Variants in DENND1A observed in about 807,000 individuals in gnomAD.
The protein encoded by DENND1A is DENN domain containing 1A, also known as DENN domain-containing protein 1A.
DENND1A carries 51 observed loss-of-function variants against 113.7 expected under a neutral mutation model. The ratio of observed to expected loss-of-function variants is 0.45; its 90% CI spans 0.36 to 0.57. DENND1A has a LOEUF of 0.57. DENND1A is among the 20% of genes least tolerant of loss of function. DENND1A has a pLI of 0.00. For synonymous variants in DENND1A, 565 were observed against 570.8 expected, an observed-to-expected ratio of 0.99 and a Z score of 0.14; for missense variants, 1,258 against 1,395.9, an observed-to-expected ratio of 0.90 and a Z score of 1.57.
chr9:123,589,673 A>C (rs928746890), intron 11 of DENND1A, among the ~76,000 whole-genome samples: 1 of 148,176 alleles, frequency 6.7e-6, no homozygotes, highest in African/African-American at 2.5e-5. Flanking sequence ...AAAAAAAAAA[A>C]CTGACATGCA....
chr9:123,423,379 G>T (rs185841523), intron 19 of DENND1A, among the ~76,000 whole-genome samples: 8 of 152,262 alleles, frequency 5.3e-5, no homozygotes, highest in East Asian at 1.9e-4. Flanking sequence ...CCTGCAACTC[G>T]GCGCTCATCA....
At chr9:123,903,470 C>A (rs1302627628) in intron 1 of DENND1A, among the ~76,000 whole-genome samples, 2 of 151,684 alleles carry the variant, frequency 1.3e-5, no homozygotes, top group African/African-American at 2.4e-5. Context: ...CCGGGTTGAT[C>A]TCACTAGGGA....
intron 21 of DENND1A, among the ~76,000 whole-genome samples, chr9:123,391,864 G>C (rs1252822062): frequency 6.7e-6 from 1 of 150,360 alleles, no homozygotes; most frequent in Non-Finnish European, 1.5e-5. Context: ...TACACACAAA[G>C]AGCTGTCTGT....
intron 5 of DENND1A, among the ~76,000 whole-genome samples, chr9:123,695,916 T>C (rs1205415724): frequency 6.6e-6 from 1 of 150,988 alleles, no homozygotes; most frequent in East Asian, 1.9e-4. Context: ...CAGAATCCAA[T>C]AGTGATGCCC....
chr9:123,717,722 A>T (rs1218705994), intron 5 of DENND1A, among the ~76,000 whole-genome samples: 1 of 152,240 alleles, frequency 6.6e-6, no homozygotes, highest in Non-Finnish European at 1.5e-5. Context: ...AGAGCATCAT[A>T]GGAGCCCTTG....
chr9:123,891,376 G>T (rs1456149121), intron 1 of DENND1A, among the ~76,000 whole-genome samples: 1 of 152,214 alleles, frequency 6.6e-6, no homozygotes, highest in African/African-American at 2.4e-5. Context: ...AAATCACCTA[G>T]AAGTTTTTTA....
chr9:123,600,944 TCACTGCC>T (rs770941111), intron 11 of DENND1A, among the ~76,000 whole-genome samples: 2 of 152,198 alleles, frequency 1.3e-5, no homozygotes, highest in Non-Finnish European at 2.9e-5. Flanking sequence ...GTCCCCCTGC[TCACTGCC>T]CACTGCTCCT....
intron 19 of DENND1A, among the ~76,000 whole-genome samples, chr9:123,427,603 T>C (rs2045840452): frequency 6.6e-6 from 1 of 152,168 alleles, no homozygotes; most frequent in Non-Finnish European, 1.5e-5. Flanking sequence ...TCCCCACAGG[T>C]CTGGTATGAA....
rs547810099 is a variant in DENND1A, at chr9:123,414,581, C to T, written c.1489-2752G>A. On this transcript the variant is annotated intron_variant, in intron 19 of 23. Transcript: ENST00000394215. ...TTCTGTCTTGCTCCTTTTGGGGATTCACAACGCCTGTTAGCATAGCAAAGG... is the reference window on the plus strand; with the variant it reads ...TTCTGTCTTGCTCCTTTTGGGGATTTACAACGCCTGTTAGCATAGCAAAGG... 1.5e-5 allele frequency: 24 copies of T among 1,550,498 alleles called. No homozygotes were observed. In the Admixed American group the frequency reaches 1.6e-4, roughly 10 times the overall value.
At chr9:123,660,691 T>C (rs1162684590) in intron 8 of DENND1A, among the ~76,000 whole-genome samples, 1 of 152,238 alleles carries the variant, frequency 6.6e-6, no homozygotes, top group Non-Finnish European at 1.5e-5. Context: ...GAATTAAACA[T>C]ACATTTATCT....
intron 2 of DENND1A, among the ~76,000 whole-genome samples, chr9:123,850,150 C>T (rs1196285597): frequency 2.6e-5 from 4 of 152,174 alleles, no homozygotes; most frequent in Non-Finnish European, 5.9e-5. Context: ...AGGAGTTCGA[C>T]TGGGGGTAAA....
chr9:123,493,344 T>C (rs1008311288), intron 13 of DENND1A, among the ~76,000 whole-genome samples: 1 of 152,196 alleles, frequency 6.6e-6, no homozygotes, highest in African/African-American at 2.4e-5. Context: ...TGTGAATCGA[T>C]TCTTTGCTAC....
chr9:123,848,228 TAAAAAAAAAA>T (rs375535777), intron 2 of DENND1A, among the ~76,000 whole-genome samples: 6,698 of 60,586 alleles, frequency 0.11, 244 homozygotes, highest in Middle Eastern at 0.2. Flanking sequence ...GATACTGCTT[TAAAAAAAAAA>T]AAAAAAAAAA....
chr9:123,462,970 C>G (rs112176876), intron 13 of DENND1A, among the ~76,000 whole-genome samples: 4 of 152,180 alleles, frequency 2.6e-5, no homozygotes, highest in South Asian at 2.1e-4. Context: ...GCTCGTCCAC[C>G]TGCGTCCTGC....
intron 9 of DENND1A, among the ~76,000 whole-genome samples, chr9:123,642,975 A>G (rs1373544174): frequency 1.3e-5 from 2 of 152,188 alleles, no homozygotes; most frequent in Non-Finnish European, 2.9e-5. Context: ...CCAGTCCACA[A>G]ACTGGCCCTT....
intron 13 of DENND1A, among the ~76,000 whole-genome samples, chr9:123,489,613 C>A (rs2051194234): frequency 6.6e-6 from 1 of 152,224 alleles, no homozygotes; most frequent in Non-Finnish European, 1.5e-5. Context: ...TTATCAGTCA[C>A]TAACACTAGT....
At chr9:123,553,040 C>T (rs10986047) in intron 13 of DENND1A, among the ~76,000 whole-genome samples, 21,681 of 152,102 alleles carry the variant, frequency 0.14, 1,616 homozygotes, top group Admixed American at 0.19. Context: ...AAGGATCACT[C>T]GAGCCCAGGA....
chr9:123,685,722 A>G (rs371858422), intron 5 of DENND1A, among the ~76,000 whole-genome samples: 2 of 152,166 alleles, frequency 1.3e-5, no homozygotes, highest in Non-Finnish European at 2.9e-5. Flanking sequence ...AGATCTTTGG[A>G]ATAATGGCAC....
chr9:123,902,174 TACAC>T (rs9299289), intron 1 of DENND1A, among the ~76,000 whole-genome samples: 2,517 of 132,088 alleles, frequency 0.019, 25 homozygotes, highest in Non-Finnish European at 0.022. Context: ...CACACACACA[TACAC>T]ACACACACAC....
Sources: gnomAD v4.1 joint callset for allele counts (sites outside exome capture counted in the v4.1 genomes callset) on GRCh38, gnomAD v4.1.1 for gene constraint, MANE v1.5 for transcripts, NCBI Gene and HGNC (gene_info 2026-07-23, HGNC 2026-07-21) for gene names.